RAB2A: variants seen among roughly 807,000 people sequenced by gnomAD.
The protein encoded by RAB2A is ras-related protein Rab-2A.
In RAB2A, 7 loss-of-function variants were observed where a neutral mutation model predicts 32.5. The ratio of observed to expected loss-of-function variants is 0.22; its 90% CI spans 0.12 to 0.40. The LOEUF is 0.40. RAB2A is among the 10% of genes least tolerant of loss of function. The pLI, the probability that RAB2A is intolerant of heterozygous loss-of-function variation, is 1.00. For missense variants in RAB2A, 108 were observed against 260.7 expected (o/e 0.41, Z 4.03); for synonymous variants, 79 against 85.2 (o/e 0.93, Z 0.40).
chr8:60,540,532 T>C (rs1807624501), intron 1 of RAB2A, among the ~76,000 whole-genome samples: 1 of 152,216 alleles, frequency 6.6e-6, no homozygotes, highest in African/African-American at 2.4e-5. Context: ...CAGGCTGAAG[T>C]GCAATGGCGC....
chr8:60,574,916 C>T (rs1379354050), intron 3 of RAB2A, among the ~76,000 whole-genome samples: 1 of 152,096 alleles, frequency 6.6e-6, no homozygotes, highest in Admixed American at 6.5e-5. Flanking sequence ...TTAAAGACAT[C>T]ATAACATCCC....
intron 2 of RAB2A, among the ~76,000 whole-genome samples, chr8:60,560,296 C>T (rs570060055): frequency 4.1e-4 from 62 of 152,264 alleles, no homozygotes; most frequent in African/African-American, 1.4e-3. Context: ...GCCTTGTTGC[C>T]CAAGCTGGTT....
At chr8:60,540,961 A>G (rs1281847849) in intron 1 of RAB2A, among the ~76,000 whole-genome samples, 1 of 152,174 alleles carries the variant, frequency 6.6e-6, no homozygotes, top group Non-Finnish European at 1.5e-5. Context: ...TGTGCATAGT[A>G]ATTTCCTTCC....
At chr8:60,599,270 G>T (rs966147698) in intron 6 of RAB2A, among the ~76,000 whole-genome samples, 2 of 152,056 alleles carry the variant, frequency 1.3e-5, no homozygotes, top group African/African-American at 2.4e-5. Flanking sequence ...TACTTACAGT[G>T]GTGAAAGAAG....
At chr8:60,574,966 T>C (rs888909373) in intron 3 of RAB2A, among the ~76,000 whole-genome samples, 3 of 152,094 alleles carry the variant, frequency 2.0e-5, no homozygotes, top group East Asian at 1.9e-4. Context: ...CATGGAGAGC[T>C]CCCAGACCCA....
At chr8:60,536,837 AGTGG>A (rs1807565177) in intron 1 of RAB2A, among the ~76,000 whole-genome samples, 1 of 152,190 alleles carries the variant, frequency 6.6e-6, no homozygotes, top group South Asian at 2.1e-4. Context: ...TGAGTGGCGC[AGTGG>A]GGGAAGAAAA....
intron 1 of RAB2A, among the ~76,000 whole-genome samples, chr8:60,524,730 A>G (rs1262044039): frequency 6.6e-6 from 1 of 152,212 alleles, no homozygotes; most frequent in Non-Finnish European, 1.5e-5. Context: ...GGAGTCCCAG[A>G]CATCAGTATT....
At chr8:60,521,178 G>A (rs891579777) in intron 1 of RAB2A, among the ~76,000 whole-genome samples, 1 of 152,182 alleles carries the variant, frequency 6.6e-6, no homozygotes, top group Non-Finnish European at 1.5e-5. Flanking sequence ...AGATGCCAGG[G>A]TACACCATTG....
chr8:60,565,239 C>T (rs535577335), intron 2 of RAB2A, among the ~76,000 whole-genome samples: 5 of 152,106 alleles, frequency 3.3e-5, no homozygotes, highest in African/African-American at 1.2e-4. Flanking sequence ...GGCAACAAAG[C>T]AAGATCCCAT....
intron 1 of RAB2A, among the ~76,000 whole-genome samples, chr8:60,534,941 C>T (rs1287544970): frequency 6.6e-6 from 1 of 152,010 alleles, no homozygotes; most frequent in East Asian, 1.9e-4. Context: ...CTTGGCCTTT[C>T]CCCCTATCCT....
At chr8:60,577,775 G>T (rs979440115) in intron 3 of RAB2A, among the ~76,000 whole-genome samples, 2 of 148,222 alleles carry the variant, frequency 1.3e-5, no homozygotes, top group Admixed American at 1.3e-4. Flanking sequence ...ACAGGTGCCC[G>T]CCACCACGCC....
At chr8:60,529,705 T>C (rs1250473261) in intron 1 of RAB2A, among the ~76,000 whole-genome samples, 1 of 152,220 alleles carries the variant, frequency 6.6e-6, no homozygotes, top group African/African-American at 2.4e-5. Context: ...TTCTATTTTA[T>C]TGATATTAAT....
At chr8:60,612,806 A>C (rs935406919) in intron 6 of RAB2A, among the ~76,000 whole-genome samples, 1 of 152,192 alleles carries the variant, frequency 6.6e-6, no homozygotes, top group African/African-American at 2.4e-5. Flanking sequence ...CAACAGCTCT[A>C]CTTTGGAACT....
intron 6 of RAB2A, among the ~76,000 whole-genome samples, chr8:60,608,033 CT>C (rs1804265683): frequency 6.6e-6 from 1 of 152,204 alleles, no homozygotes; most frequent in African/African-American, 2.4e-5. Flanking sequence ...AGTCTGACTT[CT>C]TCCACCACGG....
intron 6 of RAB2A, among the ~76,000 whole-genome samples, chr8:60,605,355 G>A (rs1804209622): frequency 6.6e-6 from 1 of 152,202 alleles, no homozygotes; most frequent in South Asian, 2.1e-4. Context: ...CCTCTTCTAG[G>A]GCAGTGCAGA....
chr8:60,532,207 A>G (rs1220800761), intron 1 of RAB2A, among the ~76,000 whole-genome samples: 1 of 152,202 alleles, frequency 6.6e-6, no homozygotes, highest in African/African-American at 2.4e-5. Flanking sequence ...TTGTAGCTCT[A>G]TAGAAGTCTT....
intron 1 of RAB2A, among the ~76,000 whole-genome samples, chr8:60,545,731 T>C (rs1807717320): frequency 6.6e-6 from 1 of 152,234 alleles, no homozygotes; most frequent in African/African-American, 2.4e-5. Context: ...GCAACTCTAA[T>C]AGCAGCATTA....
At chr8:60,557,266 A>G (rs111424922) in intron 1 of RAB2A, among the ~76,000 whole-genome samples, 12,437 of 152,170 alleles carry the variant, frequency 0.082, 1,536 homozygotes, top group African/African-American at 0.27. Flanking sequence ...CTATAATCCC[A>G]GCATTTTGGG....
intron 1 of RAB2A, among the ~76,000 whole-genome samples, chr8:60,519,955 G>A (rs1442601689): frequency 6.6e-6 from 1 of 152,070 alleles, no homozygotes; most frequent in Non-Finnish European, 1.5e-5. Flanking sequence ...CACTCAGTGT[G>A]GCCCTCCCCT....
Sources: allele counts gnomAD v4.1 joint callset (sites outside exome capture counted in the v4.1 genomes callset), GRCh38; gene constraint gnomAD v4.1.1; transcripts MANE v1.5; gene names NCBI Gene and HGNC (gene_info 2026-07-23, HGNC 2026-07-21).